MDGA2: variants seen among roughly 807,000 people sequenced by gnomAD.
The protein encoded by MDGA2 is MAM domain containing glycosylphosphatidylinositol anchor 2, also known as MAM domain-containing glycosylphosphatidylinositol anchor protein 2.
In MDGA2, 40 loss-of-function variants were observed where a neutral mutation model predicts 117.8. That is an observed-to-expected ratio of 0.34 (90% confidence interval 0.26 to 0.44). The LOEUF (loss-of-function observed/expected upper bound fraction) is 0.44. MDGA2 is among the 20% of genes least tolerant of loss of function. MDGA2 has a pLI of 1.00. For missense variants in MDGA2, 1,123 were observed against 1,250.6 expected, an observed-to-expected ratio of 0.90 and a Z score of 1.54; for synonymous variants, 452 against 439.0, an observed-to-expected ratio of 1.03 and a Z score of -0.37.
intron 2 of MDGA2, among the ~76,000 whole-genome samples, chr14:47,251,395 C>G (rs1363355800): frequency 1.3e-5 from 2 of 152,152 alleles, no homozygotes; most frequent in Non-Finnish European, 2.9e-5. Flanking sequence ...AGACTTGATC[C>G]ATCTCATGCC....
chr14:47,564,543 A>G (rs1895880152), intron 1 of MDGA2, among the ~76,000 whole-genome samples: 1 of 152,174 alleles, frequency 6.6e-6, no homozygotes, highest in African/African-American at 2.4e-5. Flanking sequence ...GCAGTATGGC[A>G]GAAATTGCTC....
intron 14 of MDGA2, among the ~76,000 whole-genome samples, chr14:46,865,072 T>C (rs890829881): frequency 3.3e-5 from 5 of 152,116 alleles, no homozygotes; most frequent in Non-Finnish European, 5.9e-5. Flanking sequence ...ATATTTGATA[T>C]GTAAGCAAGA....
intron 1 of MDGA2, among the ~76,000 whole-genome samples, chr14:47,596,637 C>CTT (rs1896548944): frequency 6.6e-6 from 1 of 152,162 alleles, no homozygotes; most frequent in Non-Finnish European, 1.5e-5. Flanking sequence ...AGAAATTGTA[C>CTT]TTTTCTGTTT....
chr14:47,259,581 A>T (rs919910984), intron 2 of MDGA2, among the ~76,000 whole-genome samples: 1 of 152,098 alleles, frequency 6.6e-6, no homozygotes, highest in African/African-American at 2.4e-5. Flanking sequence ...AACACAGGAC[A>T]CTTTTCTCTT....
intron 8 of MDGA2, among the ~76,000 whole-genome samples, chr14:47,017,490 G>A (rs1229746704): frequency 6.6e-6 from 1 of 152,006 alleles, no homozygotes; most frequent in Non-Finnish European, 1.5e-5. Flanking sequence ...AGGGAAATGA[G>A]AAGAGTCGAG....
At chr14:46,873,326 T>C (rs546090080) in intron 14 of MDGA2, 107 bp downstream of exon 14, 64 of 979,206 alleles carry the variant, frequency 6.5e-5, no homozygotes, top group Middle Eastern at 5.0e-4. Flanking sequence ...AAAAAGTGAA[T>C]TATAGCATTC....
intron 3 of MDGA2, among the ~76,000 whole-genome samples, chr14:47,173,777 A>G (rs1300354431): frequency 6.6e-6 from 1 of 152,222 alleles, no homozygotes; most frequent in Non-Finnish European, 1.5e-5. Flanking sequence ...TCATAATGAC[A>G]GGATCAAATT....
intron 3 of MDGA2, among the ~76,000 whole-genome samples, chr14:47,173,595 A>G (rs983496542): frequency 2.0e-5 from 3 of 152,158 alleles, no homozygotes. Context: ...AGACAAGCAA[A>G]TGCTGACAGA....
intron 1 of MDGA2, among the ~76,000 whole-genome samples, chr14:47,369,934 T>C (rs577614744): frequency 2.0e-5 from 3 of 152,198 alleles, no homozygotes; most frequent in South Asian, 2.1e-4. Flanking sequence ...ATCATTTCAA[T>C]AGAACTTTCT....
chr14:46,898,357 T>C (rs368691524), intron 10 of MDGA2, among the ~76,000 whole-genome samples: 128 of 152,138 alleles, frequency 8.4e-4, no homozygotes, highest in African/African-American at 2.8e-3. Flanking sequence ...GTAGAAATTA[T>C]TGATTAATTG....
intron 1 of MDGA2, among the ~76,000 whole-genome samples, chr14:47,376,712 TC>T (rs1891487221): frequency 1.3e-5 from 2 of 152,190 alleles, no homozygotes; most frequent in Non-Finnish European, 2.9e-5. Context: ...CTCATAGGTA[TC>T]ATGCCATTTC....
chr14:46,988,621 G>C (rs1054550470), intron 8 of MDGA2, among the ~76,000 whole-genome samples: 1 of 152,020 alleles, frequency 6.6e-6, no homozygotes, highest in Non-Finnish European at 1.5e-5. Context: ...TTAATGAAGA[G>C]AATAAATAAG....
intron 8 of MDGA2, among the ~76,000 whole-genome samples, chr14:47,034,023 T>G (rs1288596032): frequency 1.3e-5 from 2 of 152,368 alleles, no homozygotes; most frequent in African/African-American, 4.8e-5. Context: ...ACATCGTTTA[T>G]TGAAGTGCAT....
At chr14:47,283,574 CTG>C (rs1206014165) in intron 2 of MDGA2, among the ~76,000 whole-genome samples, 1 of 152,100 alleles carries the variant, frequency 6.6e-6, no homozygotes, top group Non-Finnish European at 1.5e-5. Flanking sequence ...ACCAGGTAAA[CTG>C]TAAATAAAAT....
At chr14:47,007,950 C>T (rs985384598) in intron 8 of MDGA2, among the ~76,000 whole-genome samples, 19 of 151,696 alleles carry the variant, frequency 1.3e-4, no homozygotes, top group African/African-American at 3.9e-4. Flanking sequence ...CAGAGTGTAT[C>T]GTAATGATAA....
intron 1 of MDGA2, among the ~76,000 whole-genome samples, chr14:47,506,124 G>A (rs575479616): frequency 6.6e-6 from 1 of 152,074 alleles, no homozygotes; most frequent in African/African-American, 2.4e-5. Flanking sequence ...GGAATGATCA[G>A]CATCTTCTCT....
At chr14:46,852,506 A>G (rs549218706) in intron 15 of MDGA2, among the ~76,000 whole-genome samples, 130 of 151,952 alleles carry the variant, frequency 8.6e-4, no homozygotes, top group African/African-American at 2.9e-3. Flanking sequence ...GAGAAAAAGA[A>G]AGAGAGAGAG....
intron 1 of MDGA2, among the ~76,000 whole-genome samples, chr14:47,548,102 C>G (rs1455784310): frequency 6.6e-6 from 1 of 152,116 alleles, no homozygotes; most frequent in Non-Finnish European, 1.5e-5. Context: ...TATTTGTACT[C>G]TCTTTTACAT....
intron 8 of MDGA2, among the ~76,000 whole-genome samples, chr14:47,003,498 C>G (rs919166050): frequency 1.3e-5 from 2 of 152,014 alleles, no homozygotes; most frequent in Non-Finnish European, 2.9e-5. Context: ...TTTTTAATAT[C>G]AGCCATCCTA....
Sources: allele counts gnomAD v4.1 joint callset (sites outside exome capture counted in the v4.1 genomes callset), GRCh38; gene constraint gnomAD v4.1.1; transcripts MANE v1.5; gene names NCBI Gene and HGNC (gene_info 2026-07-23, HGNC 2026-07-21).